The following SLC30A6 variants were observed in gnomAD, a reference collection of about 807,000 sequenced individuals.
The protein encoded by SLC30A6 is solute carrier family 30 member 6, also known as zinc transporter 6.
A neutral mutation model predicts 63.0 loss-of-function variants in SLC30A6; 55 were observed. The observed-to-expected ratio is 0.87, with a 90% CI of 0.70 to 1.09. SLC30A6 has a LOEUF of 1.09. Ranked by LOEUF, SLC30A6 falls within the 50% of genes least tolerant of loss-of-function variation. The probability of loss-of-function intolerance (pLI) is 0.00; values close to 1 mark genes in which losing one functional copy is unlikely to be tolerated. For missense variants in SLC30A6, 587 were observed against 549.2 expected (o/e 1.07, Z -0.69); for synonymous variants, 224 against 186.1 (o/e 1.20, Z -1.66).
In SLC30A6 at chr2:32,222,393, T is replaced by C. The variant is rs1686188330; in HGVS notation, c.*1680T>C. 6.6e-6 allele frequency: 1 copy of C among 152,128 alleles called. No homozygotes were observed. The highest frequency in any genetic ancestry group is 2.1e-4 in the South Asian group (1 of 4,822). The allele number at this position is 152,128 out of a possible 1,614,324, so 9.4% of individuals were successfully genotyped here. A position where few individuals can be genotyped will look rare whatever the true frequency, so the allele number is the denominator to read the frequency against. On this transcript the variant is annotated 3_prime_UTR_variant, in exon 14 of 14. Transcript: ENST00000282587. ...CCATCAGCCAGCTATCTAGAGAAGATTTTTGTTTTTCTTTTGCAACAGTTT... is the reference window on the plus strand; with the variant it reads ...CCATCAGCCAGCTATCTAGAGAAGACTTTTGTTTTTCTTTTGCAACAGTTT...
chr2:32,216,975 G>A (rs1484796069), intron 13 of SLC30A6, among the ~76,000 whole-genome samples: 2 of 151,680 alleles, frequency 1.3e-5, no homozygotes, highest in Non-Finnish European at 2.9e-5. Context: ...TGCAACCTCT[G>A]CCTCCTGGGT....
intron 4 of SLC30A6, among the ~76,000 whole-genome samples, chr2:32,180,491 C>T (rs893354794): frequency 1.3e-5 from 2 of 152,026 alleles, no homozygotes; most frequent in South Asian, 2.1e-4. Flanking sequence ...TACAGTGGCA[C>T]GATCTTGGCT....
chr2:32,170,553 TG>T (rs1269688711), intron 1 of SLC30A6, among the ~76,000 whole-genome samples: 5 of 152,222 alleles, frequency 3.3e-5, no homozygotes, highest in African/African-American at 1.2e-4. Flanking sequence ...ATACTTTGAC[TG>T]AATGCCTAAG....
intron 1 of SLC30A6, among the ~76,000 whole-genome samples, chr2:32,170,003 A>T (rs1434736535): frequency 6.6e-6 from 1 of 152,030 alleles, no homozygotes; most frequent in Non-Finnish European, 1.5e-5. Context: ...AAATTGGCCT[A>T]TTGTCTGTTG....
At chr2:32,174,214 G>A (rs903141978) in intron 3 of SLC30A6, 67 bp downstream of exon 3, 1 of 1,183,286 alleles carries the variant, frequency 8.5e-7, no homozygotes, top group Non-Finnish European at 1.2e-6. Flanking sequence ...GGAAATAAAG[G>A]TATATCTTAC....
At chr2:32,209,632 A>G (rs212685) in intron 13 of SLC30A6, 71 bp downstream of exon 13, 930,593 of 1,300,218 alleles carry the variant, frequency 0.72, 335,982 homozygotes, top group African/African-American at 0.8. Flanking sequence ...CTGAAAAAAA[A>G]TATTTCCTTA....
chr2:32,206,972 T>G, intron 12 of SLC30A6, 39 bp downstream of exon 12: 1 of 1,497,164 alleles, frequency 6.7e-7, no homozygotes. Context: ...TTATTTTATA[T>G]CAGGGAATTG....
intron 10 of SLC30A6, chr2:32,202,390 C>T (rs1357720986): frequency 6.9e-5 from 19 of 275,910 alleles, no homozygotes; most frequent in Non-Finnish European, 6.9e-6. Flanking sequence ...GTCGCCCAGG[C>T]TGGATCTCGG....
chr2:32,209,643 A>T (rs1333690148), intron 13 of SLC30A6, 82 bp downstream of exon 13: 3 of 1,121,750 alleles, frequency 2.7e-6, no homozygotes, highest in Non-Finnish European at 3.8e-6. Context: ...TATTTCCTTA[A>T]AATTTTTATA....
chr2:32,212,261 G>A (rs1685315475), intron 13 of SLC30A6, among the ~76,000 whole-genome samples: 2 of 151,628 alleles, frequency 1.3e-5, no homozygotes, highest in African/African-American at 4.8e-5. Context: ...TTCTAATTCT[G>A]ATTTATGGTC....
At chr2:32,192,173 A>AT (rs1683387001) in intron 5 of SLC30A6, among the ~76,000 whole-genome samples, 163 bp from the exon 6 acceptor site, 2 of 151,696 alleles carry the variant, frequency 1.3e-5, no homozygotes, top group Admixed American at 6.6e-5. Context: ...TTCATTGTTT[A>AT]TTATTATTCT....
At chr2:32,211,774 C>G (rs975781046) in intron 13 of SLC30A6, among the ~76,000 whole-genome samples, 4 of 151,938 alleles carry the variant, frequency 2.6e-5, no homozygotes, top group African/African-American at 9.7e-5. Flanking sequence ...CGCACCACCA[C>G]GCCCAGCTAA....
At chr2:32,170,531 C>G (rs1442651373) in intron 1 of SLC30A6, among the ~76,000 whole-genome samples, 2 of 152,178 alleles carry the variant, frequency 1.3e-5, no homozygotes, top group African/African-American at 4.8e-5. Flanking sequence ...GGGAGACTAG[C>G]CAGGATGTCA....
At chr2:32,195,664 G>A (rs906827460) in intron 8 of SLC30A6, among the ~76,000 whole-genome samples, 4 of 149,436 alleles carry the variant, frequency 2.7e-5, no homozygotes, top group African/African-American at 9.8e-5. Context: ...TTCCAGAAAA[G>A]TTATCTAGTT....
chr2:32,209,697 C>A, intron 13 of SLC30A6, 136 bp downstream of exon 13: 1 of 705,580 alleles, frequency 1.4e-6, no homozygotes, highest in East Asian at 3.0e-5. Context: ...CTAAAATGTA[C>A]ATGAATTCAA....
intron 13 of SLC30A6, among the ~76,000 whole-genome samples, chr2:32,210,374 G>A (rs1288303726): frequency 6.6e-6 from 1 of 151,920 alleles, no homozygotes; most frequent in Admixed American, 6.6e-5. Context: ...AGCTGGGCGT[G>A]GGGTGTGGCA....
chr2:32,170,875 A>G (rs1006769697), intron 1 of SLC30A6, among the ~76,000 whole-genome samples: 5 of 152,246 alleles, frequency 3.3e-5, no homozygotes, highest in African/African-American at 1.2e-4. Context: ...CTGGCATTAC[A>G]GGCATGAGCC....
At chr2:32,197,849 A>G (rs1683936965) in intron 10 of SLC30A6, 23 bp downstream of exon 10, 1 of 1,611,760 alleles carries the variant, frequency 6.2e-7, no homozygotes, top group East Asian at 2.2e-5. Flanking sequence ...TATTGTTGTC[A>G]AGTATGTTTT....
chr2:32,189,943 G>A (rs1683183854), intron 5 of SLC30A6, among the ~76,000 whole-genome samples: 1 of 151,738 alleles, frequency 6.6e-6, no homozygotes, highest in South Asian at 2.1e-4. Flanking sequence ...GGTATGCAGT[G>A]GTATTTCATT....
Sources: allele counts gnomAD v4.1 joint callset (sites outside exome capture counted in the v4.1 genomes callset), GRCh38; gene constraint gnomAD v4.1.1; transcripts MANE v1.5; gene names NCBI Gene and HGNC (gene_info 2026-07-23, HGNC 2026-07-21).